AGAP1: variants seen among roughly 807,000 people sequenced by gnomAD.
AGAP1 encodes the protein ArfGAP with GTPase domain, ankyrin repeat and PH domain 1.
AGAP1 carries 29 observed loss-of-function variants against 105.3 expected under a neutral mutation model. The ratio of observed to expected loss-of-function variants is 0.28; its 90% CI spans 0.21 to 0.38. AGAP1 has a LOEUF of 0.38. AGAP1 is among the 10% of genes least tolerant of loss of function. AGAP1 has a pLI of 1.00. For synonymous variants in AGAP1, 509 were observed against 485.9 expected, an observed-to-expected ratio of 1.05 and a Z score of -0.63; for missense variants, 998 against 1,165.1, an observed-to-expected ratio of 0.86 and a Z score of 2.09.
At position 236,123,252 on chromosome 2, in the gene AGAP1, G is replaced by T. The variant is rs2059943110; in HGVS notation, c.2371-667G>T. 6.6e-6 allele frequency among the ~76,000 whole-genome samples: 1 copy of T among 152,098 alleles called. No individual in the cohort carries two copies. The highest frequency in any genetic ancestry group is 1.5e-5 in the Non-Finnish European group (1 of 68,012). On this transcript the variant is annotated intron_variant, in intron 17 of 17. Transcript: ENST00000304032. This position sits in a 1 kb window ranked among gnomAD's most constrained non-coding sequence, Gnocchi z 4.6. ...CGTGCCCAGCTAATTTTTTTAAAAT[G>T]TGTTTTTTTCTAGAGACAGGGTCTC...
chr2:235,501,076 T>C (rs562088226), intron 1 of AGAP1, among the ~76,000 whole-genome samples: 1 of 152,260 alleles, frequency 6.6e-6, no homozygotes, highest in South Asian at 2.1e-4. Context: ...GGAATGAATC[T>C]CTGGGTTGGC....
At position 235,750,786 on chromosome 2, in the gene AGAP1, CCATGTGCT is replaced by C. The variant is rs1381666285; in HGVS notation, c.673+300_673+307del. Among the ~76,000 whole-genome samples, 4 of 152,152 alleles carry C rather than the reference CCATGTGCT, an allele frequency of 2.6e-5. No homozygotes were observed. The highest frequency in any genetic ancestry group is 7.2e-5 in the African/African-American group (3 of 41,430). On this transcript the variant is annotated intron_variant, in intron 6 of 17. Transcript: ENST00000304032. This position sits in a 1 kb window ranked among gnomAD's most constrained non-coding sequence, Gnocchi z 5.3. ...GAACATTTCTTGAGCTGTTACTCAT[CCATGTGCT>C]CTGTAAAACTTGTTTGTGAGCATTT...
Position 235,930,999 on chromosome 2 carries a change from G to A in AGAP1, c.1483+76G>A, listed in dbSNP as rs1219714632. On this transcript the variant is annotated intron_variant, in intron 12 of 17. Coordinates refer to ENST00000304032, the MANE Select transcript of AGAP1 (RefSeq NM_001037131.3). The surrounding 1 kb of genome is among the most constrained non-coding windows in gnomAD (Gnocchi z 7.9). The stretch of plus-strand genomic sequence containing the variant: ...TTGTAAGCCAGGGGCTGGACAGGAC[G>A]CCCTAAGCTCTCATGCTCCTCTGGG... 11 of 1,517,782 alleles carry A rather than the reference G, an allele frequency of 7.2e-6. No individual in the cohort carries two copies. The highest frequency in any genetic ancestry group is 2.6e-5 in the South Asian group (2 of 78,412). The allele number at this position is 1,517,782 out of a possible 1,614,324, so 94.0% of individuals were successfully genotyped here. A position where few individuals can be genotyped will look rare whatever the true frequency, so the allele number is the denominator to read the frequency against.
intron 13 of AGAP1, among the ~76,000 whole-genome samples, chr2:236,033,571 A>G (rs2057290272): frequency 1.3e-5 from 2 of 152,190 alleles, no homozygotes; most frequent in East Asian, 1.9e-4. Context: ...TCAGATTTCC[A>G]TTGTTTTTAT....
intron 10 of AGAP1, among the ~76,000 whole-genome samples, chr2:235,898,541 C>CT (rs1446099617): frequency 7.5e-6 from 1 of 132,848 alleles, no homozygotes; most frequent in African/African-American, 2.8e-5. Flanking sequence ...ACCCTAATGA[C>CT]TTATCATGTC....
chr2:236,071,901 TG>T (rs1480457575), intron 16 of AGAP1, among the ~76,000 whole-genome samples: 12 of 152,178 alleles, frequency 7.9e-5, no homozygotes, highest in African/African-American at 2.4e-4. Context: ...TAATTTTTCT[TG>T]GTTTTAAAAA....
rs904798714 is a variant in AGAP1, at chr2:235,625,094, A to G, written c.164-84085A>G. ...TCAGATATTCCTTTAGAGTAATGCAAGAATGGACTAACACAGCAGGTGTGA... is the reference window on the plus strand; with the variant it reads ...TCAGATATTCCTTTAGAGTAATGCAGGAATGGACTAACACAGCAGGTGTGA... On this transcript the variant is annotated intron_variant, in intron 1 of 17. Coordinates refer to ENST00000304032, the MANE Select transcript of AGAP1 (RefSeq NM_001037131.3). The surrounding 1 kb of genome is among the most constrained non-coding windows in gnomAD (Gnocchi z 4.0). Among the ~76,000 whole-genome samples, 3 of 152,230 alleles carry G rather than the reference A, an allele frequency of 2.0e-5. No homozygotes were observed. Among genetic ancestry groups the G allele is most frequent in the African/African-American group, 7.2e-5 (3 of 41,456 alleles).
rs569454672 is a variant in AGAP1, at chr2:236,109,830, C to T, written c.2115-10362C>T. Among the ~76,000 whole-genome samples, 16 of 152,372 alleles carry T rather than the reference C, an allele frequency of 1.1e-4. No homozygotes were observed. The East Asian group carries it at 2.7e-3, about 26-fold the overall frequency. On this transcript the variant is annotated intron_variant, in intron 16 of 17. Coordinates refer to ENST00000304032, the MANE Select transcript of AGAP1 (RefSeq NM_001037131.3). This position sits in a 1 kb window ranked among gnomAD's most constrained non-coding sequence, Gnocchi z 5.4. ...CACGTCAACACCCACGGGCAGCTTA[C>T]AGCTGCCCCATTGGGGGGCACACCT...
intron 1 of AGAP1, among the ~76,000 whole-genome samples, chr2:235,644,732 G>A (rs1277237470): frequency 6.6e-6 from 1 of 152,174 alleles, no homozygotes; most frequent in Non-Finnish European, 1.5e-5. Flanking sequence ...CTGACCAGTA[G>A]TGTTGCGTCC....
At chr2:235,695,129 T>A (rs2149455186) in intron 1 of AGAP1, among the ~76,000 whole-genome samples, 1 of 152,334 alleles carries the variant, frequency 6.6e-6, no homozygotes, top group Non-Finnish European at 1.5e-5. Context: ...CTTTTCCTCG[T>A]GTTTCCTCCT....
In AGAP1 at chr2:235,960,569, G is replaced by A. The variant is rs2054138617; in HGVS notation, c.1484-7893G>A. 1.3e-5 allele frequency among the ~76,000 whole-genome samples: 2 copies of A among 152,168 alleles called. No homozygotes were observed. Among genetic ancestry groups the A allele is most frequent in the East Asian group, 3.9e-4 (2 of 5,170 alleles). On this transcript the variant is annotated intron_variant, in intron 12 of 17. Coordinates refer to ENST00000304032, the MANE Select transcript of AGAP1 (RefSeq NM_001037131.3). This position sits in a 1 kb window ranked among gnomAD's most constrained non-coding sequence, Gnocchi z 4.9. ...ACTTCTCCCTGCACCTGTGGCCCCT[G>A]CTATCGGCGTGCTTACTGGAGATGC...
intron 6 of AGAP1, among the ~76,000 whole-genome samples, chr2:235,764,603 G>A (rs752135121): frequency 6.6e-6 from 1 of 152,212 alleles, no homozygotes; most frequent in Non-Finnish European, 1.5e-5. Flanking sequence ...TCTCTGCTGC[G>A]TCCTGAGTCG....
chr2:235,823,262 C>G (rs1366367940), intron 9 of AGAP1, among the ~76,000 whole-genome samples: 1 of 151,926 alleles, frequency 6.6e-6, no homozygotes, highest in Non-Finnish European at 1.5e-5. Flanking sequence ...TAGATTAACC[C>G]TAAGATTTAT....
intron 9 of AGAP1, among the ~76,000 whole-genome samples, chr2:235,869,383 G>C (rs1166206574): frequency 8.3e-6 from 1 of 120,150 alleles, no homozygotes; most frequent in Non-Finnish European, 1.6e-5. Context: ...AGGAGATTGA[G>C]ACCATCCTGA....
chr2:236,024,800 G>A (rs542594719), intron 13 of AGAP1, among the ~76,000 whole-genome samples: 13 of 152,188 alleles, frequency 8.5e-5, no homozygotes, highest in Non-Finnish European at 1.2e-4. Context: ...TGTAATATCC[G>A]GTGTTATTAA....
chr2:235,731,407 T>G (rs571354322), intron 3 of AGAP1, among the ~76,000 whole-genome samples: 1 of 152,340 alleles, frequency 6.6e-6, no homozygotes, highest in South Asian at 2.1e-4. Context: ...TAGAGCCATT[T>G]GAGAAGCACT....
At chr2:236,116,597 C>T (rs1213344507) in intron 16 of AGAP1, among the ~76,000 whole-genome samples, 1 of 152,118 alleles carries the variant, frequency 6.6e-6, no homozygotes, top group African/African-American at 2.4e-5. Flanking sequence ...GAACCACCCA[C>T]CACGGCCTCC....
chr2:235,621,062 C>T lies in AGAP1; in HGVS notation c.164-88117C>T, dbSNP rs1559294632. ...TGGAGACCCAGTCTCGCTCTTGTCT[C>T]CCAGGCTGGAGTACAATGGCACAAT... On this transcript the variant is annotated intron_variant, in intron 1 of 17. Transcript: ENST00000304032. The surrounding 1 kb of genome is among the most constrained non-coding windows in gnomAD (Gnocchi z 4.1). Among the ~76,000 whole-genome samples the T allele has an allele frequency of 1.3e-5, 2 of 152,218 alleles. No homozygotes were observed. The highest frequency in any genetic ancestry group is 2.1e-4 in the South Asian group (1 of 4,802).
chr2:236,041,689 AGGTAAGAGGTGCT>A (rs1462647413), intron 15 of AGAP1, among the ~76,000 whole-genome samples: 2 of 152,158 alleles, frequency 1.3e-5, no homozygotes, highest in South Asian at 2.1e-4. Flanking sequence ...AGTTCAAACA[AGGTAAGAGGTGCT>A]GGTACCAGGC....
Sources: gnomAD v4.1 joint callset for allele counts (sites outside exome capture counted in the v4.1 genomes callset) on GRCh38, gnomAD v4.1.1 for gene constraint, Gnocchi (gnomAD v3.1) non-coding constraint, MANE v1.5 for transcripts, NCBI Gene and HGNC (gene_info 2026-07-23, HGNC 2026-07-21) for gene names.